SUCLG2: variants seen among roughly 807,000 people sequenced by gnomAD.
SUCLG2 encodes succinate-CoA ligase GDP-forming subunit beta, also known as succinate--CoA ligase [GDP-forming] subunit beta, mitochondrial.
SUCLG2 carries 42 observed loss-of-function variants against 47.9 expected under a neutral mutation model. The observed-to-expected ratio is 0.88, with a 90% CI of 0.69 to 1.14. The LOEUF (loss-of-function observed/expected upper bound fraction) is 1.14. Among genes scored for constraint, SUCLG2 ranks in the 50% most tolerant of loss-of-function variants. SUCLG2 has a pLI of 0.00. For synonymous variants in SUCLG2, 195 were observed against 197.3 expected (o/e 0.99, Z 0.10); for missense variants, 571 against 525.9 (o/e 1.09, Z -0.84).
At chr3:67,603,500 T>C (rs1263568271) in intron 2 of SUCLG2, among the ~76,000 whole-genome samples, 1 of 152,192 alleles carries the variant, frequency 6.6e-6, no homozygotes, top group Non-Finnish European at 1.5e-5. Flanking sequence ...CTGAAAGCAA[T>C]CAAAAGCTAG....
At chr3:67,514,290 A>C (rs1438649064) in intron 6 of SUCLG2, 2 of 424,220 alleles carry the variant, frequency 4.7e-6, no homozygotes, top group Non-Finnish European at 9.6e-6. Flanking sequence ...TCCAGGAAGG[A>C]AAATTGGATC....
chr3:67,446,665 G>A (rs961821838), intron 9 of SUCLG2, among the ~76,000 whole-genome samples: 64 of 150,760 alleles, frequency 4.2e-4, no homozygotes, highest in African/African-American at 1.3e-3. Flanking sequence ...AACTCCTGAC[G>A]TTGTGATGTG....
intron 9 of SUCLG2, among the ~76,000 whole-genome samples, chr3:67,493,812 T>C (rs913890584): frequency 1.3e-5 from 2 of 152,180 alleles, no homozygotes; most frequent in Non-Finnish European, 2.9e-5. Flanking sequence ...TAGAAAGCAG[T>C]AGGAAGAAAG....
At chr3:67,364,793 A>G (rs976740844) in intron 10 of SUCLG2, among the ~76,000 whole-genome samples, 10 of 152,148 alleles carry the variant, frequency 6.6e-5, no homozygotes, top group Non-Finnish European at 1.0e-4. Context: ...GGAAGATCTC[A>G]AGCTGAATGA....
intron 9 of SUCLG2, among the ~76,000 whole-genome samples, chr3:67,452,216 G>A (rs976454791): frequency 6.6e-6 from 1 of 152,150 alleles, no homozygotes; most frequent in Non-Finnish European, 1.5e-5. Flanking sequence ...CCAATTTTAT[G>A]TTGCCTAGTA....
At chr3:67,593,912 G>A (rs2107283245) in intron 2 of SUCLG2, among the ~76,000 whole-genome samples, 1 of 152,308 alleles carries the variant, frequency 6.6e-6, no homozygotes, top group Non-Finnish European at 1.5e-5. Flanking sequence ...TAGAGGCCCT[G>A]ACCCCTTGTC....
At chr3:67,524,120 G>A (rs915729130) in intron 4 of SUCLG2, among the ~76,000 whole-genome samples, 1 of 152,106 alleles carries the variant, frequency 6.6e-6, no homozygotes, top group East Asian at 1.9e-4. Context: ...CCAAATGACC[G>A]AGGATGACAG....
intron 9 of SUCLG2, among the ~76,000 whole-genome samples, chr3:67,453,141 ATAT>A (rs894083193): frequency 8.5e-5 from 13 of 152,128 alleles, no homozygotes; most frequent in African/African-American, 3.1e-4. Context: ...TGAATATCAA[ATAT>A]TATGATTTTT....
Position 67,363,787 on chromosome 3 carries a change from C to G in SUCLG2, c.1184-3019G>C, listed in dbSNP as rs1701840209. 2.0e-5 allele frequency among the ~76,000 whole-genome samples: 3 copies of G among 151,312 alleles called. No homozygotes were observed. The South Asian group carries it at 6.3e-4, about 32-fold the overall frequency. On this transcript the variant is annotated intron_variant, in intron 10 of 10. Transcript: ENST00000493112. ...GAGAGAACAATAGCACTTCCTCCCC[C>G]TCCCCCCAACCTCACCCCCTGCAAA... is the stretch of plus-strand genomic sequence containing the variant.
At chr3:67,511,762 TA>T (rs1265847191) in intron 6 of SUCLG2, among the ~76,000 whole-genome samples, 1 of 151,718 alleles carries the variant, frequency 6.6e-6, no homozygotes, top group Non-Finnish European at 1.5e-5. Flanking sequence ...AGAGACATCT[TA>T]TTTTTTTTGT....
At chr3:67,389,267 C>A (rs1702326568) in intron 10 of SUCLG2, among the ~76,000 whole-genome samples, 1 of 152,012 alleles carries the variant, frequency 6.6e-6, no homozygotes, top group Non-Finnish European at 1.5e-5. Context: ...TTGGGAAAGT[C>A]AGAAAGGGAA....
intron 9 of SUCLG2, among the ~76,000 whole-genome samples, chr3:67,439,267 C>A (rs75383118): frequency 6.6e-6 from 1 of 152,062 alleles, no homozygotes; most frequent in Non-Finnish European, 1.5e-5. Flanking sequence ...TATGACAATC[C>A]CACAGACAAT....
intron 9 of SUCLG2, among the ~76,000 whole-genome samples, chr3:67,416,025 G>A (rs182939458): frequency 1.8e-3 from 268 of 152,278 alleles, no homozygotes; most frequent in Non-Finnish European, 3.0e-3. Flanking sequence ...AAGGCCTCAG[G>A]CCTCCTACCA....
At chr3:67,496,016 C>T (rs572089311) in intron 8 of SUCLG2, 76 bp from the exon 9 acceptor site, 12 of 1,573,488 alleles carry the variant, frequency 7.6e-6, no homozygotes, top group Admixed American at 1.7e-5. Flanking sequence ...TTCCCTCCCC[C>T]ATATTGCCAA....
chr3:67,578,943 C>T (rs759044394), intron 2 of SUCLG2, among the ~76,000 whole-genome samples: 1 of 152,098 alleles, frequency 6.6e-6, no homozygotes, highest in Admixed American at 6.6e-5. Flanking sequence ...CCAGTGTTGC[C>T]GCTCTCTAAG....
intron 1 of SUCLG2, among the ~76,000 whole-genome samples, chr3:67,645,132 C>A (rs996458939): frequency 1.3e-5 from 2 of 152,048 alleles, no homozygotes; most frequent in Non-Finnish European, 2.9e-5. Flanking sequence ...ACTTGGGGCC[C>A]TTTAACATAA....
At chr3:67,520,226 C>G (rs4856870) in intron 5 of SUCLG2, among the ~76,000 whole-genome samples, 7,331 of 152,154 alleles carry the variant, frequency 0.048, 267 homozygotes, top group East Asian at 0.18. Flanking sequence ...GGAAAGGAAT[C>G]AGGGAGGAAG....
At position 67,520,588 on chromosome 3, in the gene SUCLG2, G is replaced by T; in HGVS notation, c.464C>A (p.Ala155Glu). 6.2e-7 allele frequency: 1 copy of T among 1,613,846 alleles called. No individual in the cohort carries two copies. Among genetic ancestry groups the T allele is most frequent in the Non-Finnish European group, 8.5e-7 (1 of 1,179,894 alleles). The change falls in exon 5 of 11, where the codon GCA (alanine) becomes GAA (glutamate). Residue 155 changes from alanine to glutamate, a missense_variant. Coordinates refer to ENST00000307227, the MANE Select transcript of SUCLG2 (RefSeq NM_003848.4). ...ALDISRETYL[A>E]ILMDRSCNGP... Reference sequence around the variant, plus strand: ...ATTGCAGGACCGGTCCATCAGAATTGCCAGGTAGGTTTCTCTGGAAATATC... The same window carrying T: ...ATTGCAGGACCGGTCCATCAGAATTTCCAGGTAGGTTTCTCTGGAAATATC...
At chr3:67,628,451 C>G (rs1258635079) in intron 1 of SUCLG2, among the ~76,000 whole-genome samples, 1 of 152,178 alleles carries the variant, frequency 6.6e-6, no homozygotes, top group Admixed American at 6.5e-5. Context: ...TAAGTAACCA[C>G]AGATAGAAAG....
Sources: gnomAD v4.1 joint callset for allele counts (sites outside exome capture counted in the v4.1 genomes callset) on GRCh38, gnomAD v4.1.1 for gene constraint, MANE v1.5 for transcripts, NCBI Gene and HGNC (gene_info 2026-07-23, HGNC 2026-07-21) for gene names.